The following CACNA2D3 variants were observed in gnomAD, a reference collection of about 807,000 sequenced individuals.
CACNA2D3 encodes voltage-dependent calcium channel subunit alpha-2/delta-3.
A neutral mutation model predicts 160.6 loss-of-function variants in CACNA2D3; 60 were observed. That is an observed-to-expected ratio of 0.37 (90% CI 0.30 to 0.46). CACNA2D3 has a LOEUF of 0.46. Among genes scored for constraint, CACNA2D3 ranks in the 20% least tolerant of loss-of-function variants. The pLI, the probability that CACNA2D3 is intolerant of heterozygous loss-of-function variation, is 1.00. For synonymous variants in CACNA2D3, 558 were observed against 492.9 expected (o/e 1.13, Z -1.75); for missense variants, 1,205 against 1,365.0 (o/e 0.88, Z 1.85).
At chr3:54,712,155 A>G (rs182428444) in intron 11 of CACNA2D3, among the ~76,000 whole-genome samples, 4 of 152,302 alleles carry the variant, frequency 2.6e-5, no homozygotes, top group African/African-American at 7.2e-5. Flanking sequence ...AATGGAGATT[A>G]TCATCTTGAT....
At chr3:54,960,823 C>T (rs1396113250) in intron 27 of CACNA2D3, among the ~76,000 whole-genome samples, 1 of 152,026 alleles carries the variant, frequency 6.6e-6, no homozygotes, top group Non-Finnish European at 1.5e-5. Context: ...AAATATTTAA[C>T]AGATGAGTTA....
chr3:54,542,218 C>T (rs780123221), intron 5 of CACNA2D3, among the ~76,000 whole-genome samples: 8 of 152,024 alleles, frequency 5.3e-5, no homozygotes, highest in Admixed American at 1.3e-4. Flanking sequence ...CGTACCACCA[C>T]GCCCAGCTCA....
chr3:54,716,421 A>C (rs1039208885), intron 11 of CACNA2D3, among the ~76,000 whole-genome samples: 2 of 152,148 alleles, frequency 1.3e-5, no homozygotes, highest in African/African-American at 4.8e-5. Context: ...AAGAGGGAAG[A>C]TGTGTTCACA....
chr3:54,757,491 T>C (rs1701996219), intron 12 of CACNA2D3, among the ~76,000 whole-genome samples: 1 of 152,202 alleles, frequency 6.6e-6, no homozygotes, highest in South Asian at 2.1e-4. Context: ...GGAATGGTCA[T>C]AGGCGACAGC....
intron 11 of CACNA2D3, among the ~76,000 whole-genome samples, chr3:54,657,748 G>A (rs1057179010): frequency 6.6e-6 from 1 of 152,132 alleles, no homozygotes; most frequent in African/African-American, 2.4e-5. Flanking sequence ...TGTATATAAG[G>A]TCAGGTGCAG....
rs567917757 is a variant in CACNA2D3 at position 54,972,374 on chromosome 3, A to C, written c.2556+2530A>C. On this transcript the variant is annotated intron_variant, in intron 29 of 37. Coordinates refer to ENST00000474759, the MANE Select transcript of CACNA2D3 (RefSeq NM_018398.3). ...ACCAATTGACACTGTTTTAAATAGA[A>C]AAGTCAGTCCTGCCTTCTCACCAAG... is the stretch of plus-strand genomic sequence containing the variant. 4.6e-5 allele frequency among the ~76,000 whole-genome samples: 7 copies of C among 152,340 alleles called. No individual in the cohort carries two copies. The South Asian group carries it at 1.2e-3, about 27-fold the overall frequency.
intron 2 of CACNA2D3, among the ~76,000 whole-genome samples, chr3:54,290,675 A>G (rs1039056658): frequency 1.3e-5 from 2 of 151,862 alleles, no homozygotes; most frequent in East Asian, 3.9e-4. Context: ...TCCAACAATG[A>G]TAGACTGGAT....
intron 11 of CACNA2D3, among the ~76,000 whole-genome samples, chr3:54,696,157 G>A (rs1700661217): frequency 1.3e-5 from 2 of 152,128 alleles, no homozygotes; most frequent in Admixed American, 6.5e-5. Flanking sequence ...CTTCTTAGTA[G>A]TTTCCATTAT....
intron 32 of CACNA2D3, among the ~76,000 whole-genome samples, chr3:55,005,408 C>T (rs1703073593): frequency 6.6e-6 from 1 of 152,108 alleles, no homozygotes. Flanking sequence ...CCCCTTGTGA[C>T]AGATGGAAAA....
intron 27 of CACNA2D3, among the ~76,000 whole-genome samples, chr3:54,938,646 A>T (rs1160482978): frequency 6.6e-6 from 1 of 150,688 alleles, no homozygotes; most frequent in Non-Finnish European, 1.5e-5. Flanking sequence ...ATACATCTTG[A>T]TATAGACTCA....
chr3:54,950,618 T>C (rs1448275657), intron 27 of CACNA2D3, among the ~76,000 whole-genome samples: 1 of 152,206 alleles, frequency 6.6e-6, no homozygotes, highest in Non-Finnish European at 1.5e-5. Flanking sequence ...AGAGTGGACC[T>C]GCACAGCTCC....
chr3:55,074,394 C>T lies in CACNA2D3; in HGVS notation c.*188C>T, dbSNP rs1575464074. On this transcript the variant is annotated 3_prime_UTR_variant, in exon 38 of 38. Transcript: ENST00000474759. Reference sequence around the variant, plus strand: ...GATATGTTGACAAAAAGTTATCTATCATCTTTTTACTTTGCCAGTCATGCA... The same window carrying T: ...GATATGTTGACAAAAAGTTATCTATTATCTTTTTACTTTGCCAGTCATGCA... 2.6e-6 allele frequency: 1 copy of T among 379,226 alleles called. No homozygotes were observed. The allele number at this position is 379,226 out of a possible 1,614,324, so 23.5% of individuals were successfully genotyped here.
At chr3:54,496,876 C>T (rs1422663270) in intron 4 of CACNA2D3, among the ~76,000 whole-genome samples, 1 of 152,126 alleles carries the variant, frequency 6.6e-6, no homozygotes, top group Non-Finnish European at 1.5e-5. Flanking sequence ...GTTGAAAATA[C>T]TGTCCTCACT....
intron 3 of CACNA2D3, among the ~76,000 whole-genome samples, chr3:54,372,829 C>G (rs529053445): frequency 2.6e-5 from 4 of 152,316 alleles, no homozygotes; most frequent in Admixed American, 2.6e-4. Context: ...GCTAGCTTCT[C>G]ATCCTTGGAA....
At chr3:54,238,135 C>G (rs567143267) in intron 2 of CACNA2D3, among the ~76,000 whole-genome samples, 73 of 152,304 alleles carry the variant, frequency 4.8e-4, no homozygotes, top group African/African-American at 1.7e-3. Flanking sequence ...CTTTCTATGT[C>G]CCCACATTGT....
At chr3:54,191,699 G>A (rs1030920311) in intron 2 of CACNA2D3, among the ~76,000 whole-genome samples, 1 of 152,098 alleles carries the variant, frequency 6.6e-6, no homozygotes, top group Non-Finnish European at 1.5e-5. Context: ...GCAGGGCTGG[G>A]TTTGGGTGTC....
intron 2 of CACNA2D3, among the ~76,000 whole-genome samples, chr3:54,174,948 C>T (rs1397008621): frequency 1.3e-5 from 2 of 152,200 alleles, no homozygotes; most frequent in African/African-American, 4.8e-5. Context: ...GTTTCTGCCT[C>T]ATTTGCTGCT....
intron 9 of CACNA2D3, among the ~76,000 whole-genome samples, chr3:54,618,344 G>T (rs1019928213): frequency 2.5e-4 from 6 of 24,238 alleles, no homozygotes; most frequent in Admixed American, 6.9e-4. Flanking sequence ...AATTGATGTT[G>T]ATACATACAT....
chr3:54,466,946 C>G (rs1700639008), intron 4 of CACNA2D3, among the ~76,000 whole-genome samples: 1 of 152,212 alleles, frequency 6.6e-6, no homozygotes, highest in Admixed American at 6.5e-5. Flanking sequence ...CTGCTGGGTT[C>G]TGCTGTGCTG....
Sources: allele counts gnomAD v4.1 joint callset (sites outside exome capture counted in the v4.1 genomes callset), GRCh38; gene constraint gnomAD v4.1.1; transcripts MANE v1.5; gene names NCBI Gene and HGNC (gene_info 2026-07-23, HGNC 2026-07-21).